Variants in ASTN2 observed in about 807,000 individuals in gnomAD.
ASTN2 encodes the protein astrotactin-2.
In ASTN2, 54 loss-of-function variants were observed where a neutral mutation model predicts 139.8. The observed-to-expected ratio is 0.39, with a 90% CI of 0.31 to 0.48. The LOEUF (loss-of-function observed/expected upper bound fraction) is 0.48. Ranked by LOEUF, ASTN2 falls within the 20% of genes least tolerant of loss-of-function variation. ASTN2 has a pLI of 0.95. For synonymous variants in ASTN2, 756 were observed against 719.5 expected (o/e 1.05, Z -0.81); for missense variants, 1,565 against 1,725.1 (o/e 0.91, Z 1.64).
Position 116,674,579 on chromosome 9 carries a change from C to T in ASTN2, c.2807-22786G>A, listed in dbSNP as rs981314767. 3.9e-5 allele frequency among the ~76,000 whole-genome samples: 6 copies of T among 152,282 alleles called. No homozygotes were observed. The South Asian group carries it at 6.2e-4, about 16-fold the overall frequency. ...CATTCCCTTGTTATTTGCTTTTTTG[C>T]TATCAACTAAAGGTAAAGAGGACTA... On this transcript the variant is annotated intron_variant, in intron 16 of 22. Transcript: ENST00000313400.
intron 20 of ASTN2, among the ~76,000 whole-genome samples, chr9:116,467,205 A>G (rs1848672274): frequency 6.6e-6 from 1 of 152,084 alleles, no homozygotes; most frequent in Admixed American, 6.6e-5. Context: ...CATAAGGAAA[A>G]CTCACTTTAG....
chr9:116,724,790 A>G (rs964839954), intron 16 of ASTN2, among the ~76,000 whole-genome samples: 1 of 152,220 alleles, frequency 6.6e-6, no homozygotes, highest in Non-Finnish European at 1.5e-5. Context: ...ATCAATTGAG[A>G]GACTTTCTTT....
chr9:116,529,263 G>C (rs1851222111), intron 19 of ASTN2, among the ~76,000 whole-genome samples: 1 of 152,200 alleles, frequency 6.6e-6, no homozygotes, highest in Non-Finnish European at 1.5e-5. Flanking sequence ...TGCCCTGGGT[G>C]TGAGACATGG....
chr9:117,366,362 T>C (rs764233313), intron 1 of ASTN2, among the ~76,000 whole-genome samples: 5 of 152,112 alleles, frequency 3.3e-5, no homozygotes, highest in Non-Finnish European at 5.9e-5. Context: ...ATTCTCTCCT[T>C]TGATGCTCTC....
intron 1 of ASTN2, among the ~76,000 whole-genome samples, chr9:117,377,376 T>C (rs183627203): frequency 4.7e-4 from 71 of 152,330 alleles, no homozygotes; most frequent in African/African-American, 1.3e-3. Context: ...GAGAAGGCCC[T>C]TGGGGCAGGA....
intron 1 of ASTN2, among the ~76,000 whole-genome samples, chr9:117,375,375 C>T (rs909534685): frequency 1.3e-5 from 2 of 152,192 alleles, no homozygotes; most frequent in South Asian, 4.1e-4. Flanking sequence ...GCACAAAAGC[C>T]CATGTTTTCT....
chr9:117,108,650 G>C (rs1829169758), intron 4 of ASTN2, among the ~76,000 whole-genome samples: 1 of 152,060 alleles, frequency 6.6e-6, no homozygotes, highest in Non-Finnish European at 1.5e-5. Flanking sequence ...TTCTCACTAG[G>C]GAAAACCTAG....
chr9:116,707,665 C>A (rs1326539283), intron 16 of ASTN2, among the ~76,000 whole-genome samples: 1 of 152,090 alleles, frequency 6.6e-6, no homozygotes, highest in Non-Finnish European at 1.5e-5. Flanking sequence ...AGAATTTTTG[C>A]AACAACAACA....
At chr9:117,251,464 T>C (rs933375718) in intron 2 of ASTN2, among the ~76,000 whole-genome samples, 3 of 152,126 alleles carry the variant, frequency 2.0e-5, no homozygotes, top group African/African-American at 7.2e-5. Flanking sequence ...GAAAAAAACA[T>C]AAGCTTCATG....
intron 19 of ASTN2, among the ~76,000 whole-genome samples, chr9:116,537,120 T>G (rs1220702744): frequency 6.6e-6 from 1 of 152,190 alleles, no homozygotes; most frequent in African/African-American, 2.4e-5. Context: ...GTGCTAGCAA[T>G]GAGTGAGGCT....
chr9:116,715,401 C>T (rs1828285309), intron 16 of ASTN2, among the ~76,000 whole-genome samples: 2 of 152,148 alleles, frequency 1.3e-5, no homozygotes, highest in Admixed American at 6.5e-5. Context: ...TTCGCCATTC[C>T]TAAAGGTGCC....
chr9:116,504,142 A>C (rs983716189), intron 19 of ASTN2: 4 of 152,166 alleles, frequency 2.6e-5, no homozygotes, highest in Non-Finnish European at 5.9e-5. Context: ...AAACAATAGA[A>C]AAATAAAAAT....
At chr9:116,597,297 C>CTTTTTTTTTTTTTTTTTTTTTT (rs1457732724) in intron 19 of ASTN2, among the ~76,000 whole-genome samples, 1 of 56,374 alleles carries the variant, frequency 1.8e-5, no homozygotes. Flanking sequence ...GACTTTTGAT[C>CTTTTTTTTTTTTTTTTTTTTTT]TATTTTTTTT....
Position 116,425,307 on chromosome 9 carries a change from G to A in ASTN2, c.*544C>T. Reference sequence around the variant, plus strand: ...ACCCACAGGTAGCAGGAAGAGGCAGGGTCCCACAAACTCAATAATGTCCAG... The same window carrying A: ...ACCCACAGGTAGCAGGAAGAGGCAGAGTCCCACAAACTCAATAATGTCCAG... On this transcript the variant is annotated 3_prime_UTR_variant, in exon 23 of 23. Transcript: ENST00000313400. 2.1e-6 allele frequency: 1 copy of A among 483,124 alleles called. No individual in the cohort carries two copies. The highest frequency in any genetic ancestry group is 4.0e-5 in the Admixed American group (1 of 24,934). The allele number at this position is 483,124 out of a possible 1,614,324, so 29.9% of individuals were successfully genotyped here.
intron 1 of ASTN2, among the ~76,000 whole-genome samples, chr9:117,351,571 C>T (rs1313288170): frequency 6.6e-6 from 1 of 152,144 alleles, no homozygotes; most frequent in Non-Finnish European, 1.5e-5. Flanking sequence ...AACTGTTTCT[C>T]CCTTCAAGTC....
At chr9:116,450,838 T>G (rs1848152450) in intron 20 of ASTN2, among the ~76,000 whole-genome samples, 1 of 152,192 alleles carries the variant, frequency 6.6e-6, no homozygotes, top group South Asian at 2.1e-4. Flanking sequence ...CCATGCTTTC[T>G]GCCAACATAA....
chr9:116,425,471 A>G lies in ASTN2; in HGVS notation c.*380T>C. ...AACTGTCCCTCCATAGGTCTCCTCC[A>G]GGGGTCCATGGCAGGAAGAAAGCAG... On this transcript the variant is annotated 3_prime_UTR_variant, in exon 23 of 23. Coordinates refer to ENST00000313400, the MANE Select transcript of ASTN2 (RefSeq NM_001365068.1). 8.0e-7 allele frequency: 1 copy of G among 1,255,092 alleles called. No individual in the cohort carries two copies. The highest frequency in any genetic ancestry group is 2.3e-5 in the East Asian group (1 of 42,824). 77.7% of individuals were successfully genotyped at this position (1,255,092 alleles called of 1,614,324 possible). A position where few individuals can be genotyped will look rare whatever the true frequency, so the allele number is the denominator to read the frequency against.
In ASTN2 at chr9:117,214,444, C is replaced by T. The variant is rs758127962; in HGVS notation, c.929G>A (p.Arg310His). Residue 310 changes from arginine (R) to histidine (H), a missense_variant, in exon 3 of 23, where the codon CGC becomes CAC. This residue lies in a region of ASTN2 where 596 missense variants were observed against 576.8 expected (regional missense o/e 1.03). Coordinates refer to ENST00000313400, the MANE Select transcript of ASTN2 (RefSeq NM_001365068.1). ...EPPRRANHVS[R>H]EDEFGSQVTH... ...CACCTGGCTGCCAAACTCGTCCTCG[C>T]GGGAGACATGGTTGGCCCGCCTAGG... 3.1e-6 allele frequency: 5 copies of T among 1,614,134 alleles called. No homozygotes were observed. The highest frequency in any genetic ancestry group is 1.7e-5 in the Admixed American group (1 of 60,032).
intron 1 of ASTN2, among the ~76,000 whole-genome samples, chr9:117,382,750 G>T (rs1462579485): frequency 1.3e-5 from 2 of 152,194 alleles, no homozygotes; most frequent in African/African-American, 4.8e-5. Flanking sequence ...AATGCCGTGA[G>T]CACAGAGAGA....
Sources: gnomAD v4.1 joint callset for allele counts (sites outside exome capture counted in the v4.1 genomes callset) on GRCh38, gnomAD v4.1.1 for gene constraint, gnomAD v4.1.1 regional missense constraint, MANE v1.5 for transcripts, NCBI Gene and HGNC (gene_info 2026-07-23, HGNC 2026-07-21) for gene names.